Variants in C1orf87 observed in about 807,000 individuals in gnomAD.
C1orf87 encodes uncharacterized protein C1orf87.
Under a neutral mutation model 60.5 loss-of-function variants are expected in C1orf87, and 58 were observed. The observed-to-expected ratio is 0.96, with a 90% CI of 0.78 to 1.19. The LOEUF (loss-of-function observed/expected upper bound fraction) is 1.19. C1orf87 is among the 50% of genes most tolerant of loss of function. C1orf87 has a pLI of 0.00. For synonymous variants in C1orf87, 236 were observed against 227.4 expected (o/e 1.04, Z -0.34); for missense variants, 673 against 638.6 (o/e 1.05, Z -0.58).
At chr1:60,014,520 A>G (rs79950529) in intron 8 of C1orf87, among the ~76,000 whole-genome samples, 2,287 of 152,194 alleles carry the variant, frequency 0.015, 47 homozygotes, top group African/African-American at 0.052. Context: ...GTCATTTTAT[A>G]CAAAAAGCCT....
intron 5 of C1orf87, among the ~76,000 whole-genome samples, chr1:60,039,026 T>C (rs575266713): frequency 4.6e-5 from 7 of 152,306 alleles, no homozygotes; most frequent in African/African-American, 1.7e-4. Flanking sequence ...TTCTCATAAA[T>C]ATATAACTAA....
chr1:60,066,300 A>T (rs1003460429), intron 2 of C1orf87, among the ~76,000 whole-genome samples: 1 of 152,206 alleles, frequency 6.6e-6, no homozygotes, highest in Non-Finnish European at 1.5e-5. Context: ...TTCTTTCACA[A>T]TTGGAATCAA....
At chr1:60,015,113 T>C (rs1263952850) in intron 8 of C1orf87, among the ~76,000 whole-genome samples, 1 of 152,184 alleles carries the variant, frequency 6.6e-6, no homozygotes, top group Non-Finnish European at 1.5e-5. Flanking sequence ...TAAATGTTTA[T>C]ATCTCCCTCA....
chr1:60,008,385 T>C (rs1347747427), intron 9 of C1orf87, among the ~76,000 whole-genome samples: 1 of 152,062 alleles, frequency 6.6e-6, no homozygotes, highest in Non-Finnish European at 1.5e-5. Context: ...TCTTTTTACA[T>C]ATTTTTCTGC....
chr1:60,066,708 G>A (rs2100334346), intron 2 of C1orf87, among the ~76,000 whole-genome samples: 1 of 151,894 alleles, frequency 6.6e-6, no homozygotes, highest in Admixed American at 6.6e-5. Context: ...TTAAGTTCTG[G>A]GATACATGTG....
At chr1:60,026,297 C>A (rs1645197614) in intron 7 of C1orf87, among the ~76,000 whole-genome samples, 1 of 152,170 alleles carries the variant, frequency 6.6e-6, no homozygotes, top group Admixed American at 6.5e-5. Context: ...AGTTACTTAA[C>A]CTTTTTTAGG....
At chr1:60,047,732 C>CAA (rs11415374) in intron 3 of C1orf87, among the ~76,000 whole-genome samples, 64,634 of 145,586 alleles carry the variant, frequency 0.44, 14,616 homozygotes, top group South Asian at 0.48. Context: ...ATAGCAAGTC[C>CAA]AAAAAAAAAA....
intron 4 of C1orf87, 136 bp from the exon 5 acceptor site, chr1:60,040,316 T>A: frequency 9.1e-7 from 1 of 1,093,946 alleles, no homozygotes; most frequent in Non-Finnish European, 1.3e-6. Flanking sequence ...GACAAGTCTG[T>A]GGCACTGAAG....
At chr1:60,063,554 TA>T (rs2100328877) in intron 2 of C1orf87, among the ~76,000 whole-genome samples, 1 of 152,282 alleles carries the variant, frequency 6.6e-6, no homozygotes, top group South Asian at 2.1e-4. Flanking sequence ...TCTCTGACCT[TA>T]TTTCCTGCTC....
intron 3 of C1orf87, among the ~76,000 whole-genome samples, chr1:60,054,789 ATT>A (rs921953051): frequency 1.3e-5 from 2 of 151,584 alleles, no homozygotes; most frequent in Admixed American, 1.3e-4. Context: ...GGGGCCTATA[ATT>A]TTTTTTTGTA....
intron 8 of C1orf87, among the ~76,000 whole-genome samples, chr1:60,016,122 G>A (rs1645122507): frequency 6.6e-6 from 1 of 152,174 alleles, no homozygotes; most frequent in Admixed American, 6.6e-5. Context: ...ATCAGTATGT[G>A]AACTTTGGAG....
Position 59,990,837 on chromosome 1 carries a change from T to C in C1orf87, c.1481-4A>G. On this transcript the variant is annotated splice_polypyrimidine_tract_variant and splice_region_variant and intron_variant, in intron 11 of 11. Coordinates refer to ENST00000371201, the MANE Select transcript of C1orf87 (RefSeq NM_152377.3). ...GCTCGTTCCTTCTCCAGAACTCCTG[T>C]GATTGGATTGGGTAGGAGGAAGGTT... 6.2e-7 allele frequency: 1 copy of C among 1,613,622 alleles called. No homozygotes were observed. Among genetic ancestry groups the C allele is most frequent in the Non-Finnish European group, 8.5e-7 (1 of 1,179,722 alleles).
chr1:60,066,676 A>G (rs1645548228), intron 2 of C1orf87, among the ~76,000 whole-genome samples: 1 of 150,536 alleles, frequency 6.6e-6, no homozygotes, highest in South Asian at 2.1e-4. Flanking sequence ...ATGAATCACA[A>G]ATGTTCTTTT....
At chr1:60,048,171 AC>A (rs1220488397) in intron 3 of C1orf87, among the ~76,000 whole-genome samples, 1 of 152,198 alleles carries the variant, frequency 6.6e-6, no homozygotes, top group Non-Finnish European at 1.5e-5. Flanking sequence ...TTGATTGTGT[AC>A]AATCAATCTC....
At chr1:60,046,651 T>A (rs1645373652) in intron 3 of C1orf87, among the ~76,000 whole-genome samples, 1 of 151,858 alleles carries the variant, frequency 6.6e-6, no homozygotes, top group Non-Finnish European at 1.5e-5. Context: ...TTACCCAGAG[T>A]GGCCTTGAAC....
rs187281965 is a variant in C1orf87, at chr1:60,055,152, A to G, written c.342+52T>C. ...TTTGTGTGAACCTATGTTTTTATCT[A>G]TATTTTCCTAATAAATTATCAAGAT... is the stretch of plus-strand genomic sequence containing the variant. On this transcript the variant is annotated intron_variant, in intron 3 of 11. Coordinates refer to ENST00000371201, the MANE Select transcript of C1orf87 (RefSeq NM_152377.3). 4.9e-5 allele frequency: 71 copies of G among 1,441,646 alleles called. No homozygotes were observed. In the Admixed American group the frequency reaches 8.5e-4, roughly 17 times the overall value. 89.3% of individuals were successfully genotyped at this position (1,441,646 alleles called of 1,614,324 possible).
At chr1:60,070,450 T>C (rs974260781) in intron 2 of C1orf87, among the ~76,000 whole-genome samples, 4 of 152,216 alleles carry the variant, frequency 2.6e-5, no homozygotes, top group Non-Finnish European at 4.4e-5. Flanking sequence ...GAGGCCCTGG[T>C]TTATGAGTAT....
chr1:60,029,133 T>C (rs548852739), intron 7 of C1orf87, among the ~76,000 whole-genome samples: 1 of 152,314 alleles, frequency 6.6e-6, no homozygotes, highest in East Asian at 1.9e-4. Context: ...TCTCAGAGAA[T>C]GGCACCACTA....
chr1:60,001,181 AG>A lies in C1orf87; in HGVS notation c.1193-26del, dbSNP rs770413235. On this transcript the variant is annotated intron_variant, in intron 9 of 11. Transcript: ENST00000371201. ...CCTGAACAAGAATAAAAAAAAAAAA[AG>A]GAAGGGTTTAGCTTGGTCTCTTCAT... The A allele has an allele frequency of 3.0e-5, 43 of 1,441,566 alleles. No individual in the cohort carries two copies. In the South Asian group the frequency reaches 3.3e-4, roughly 11 times the overall value. The allele number at this position is 1,441,566 out of a possible 1,614,324, so 89.3% of individuals were successfully genotyped here.
Sources: gnomAD v4.1 joint callset for allele counts (sites outside exome capture counted in the v4.1 genomes callset) on GRCh38, gnomAD v4.1.1 for gene constraint, MANE v1.5 for transcripts, NCBI Gene and HGNC (gene_info 2026-07-23, HGNC 2026-07-21) for gene names.